The following KCNJ6 variants were observed in gnomAD, a reference collection of about 807,000 sequenced individuals.
The protein encoded by KCNJ6 is potassium inwardly rectifying channel subfamily J member 6, also known as G protein-activated inward rectifier potassium channel 2.
KCNJ6 carries 9 observed loss-of-function variants against 34.2 expected under a neutral mutation model. The ratio of observed to expected loss-of-function variants is 0.26; its 90% confidence interval spans 0.16 to 0.46. The LOEUF is 0.46. Among genes scored for constraint, KCNJ6 ranks in the 20% least tolerant of loss-of-function variants. The pLI is 1.00. For synonymous variants in KCNJ6, 196 were observed against 207.1 expected, an observed-to-expected ratio of 0.95 and a Z score of 0.46; for missense variants, 236 against 531.3, an observed-to-expected ratio of 0.44 and a Z score of 5.46.
chr21:37,816,742 A>T (rs1478683040), intron 2 of KCNJ6, among the ~76,000 whole-genome samples: 4 of 152,134 alleles, frequency 2.6e-5, no homozygotes, highest in Non-Finnish European at 5.9e-5. Flanking sequence ...GTGGGGATGC[A>T]TGCAGGTTTG....
At chr21:37,847,473 C>T (rs2055515169) in intron 1 of KCNJ6, among the ~76,000 whole-genome samples, 1 of 152,212 alleles carries the variant, frequency 6.6e-6, no homozygotes, top group African/African-American at 2.4e-5. Flanking sequence ...GCCGTTCATG[C>T]TGAAGGCAGC....
intron 1 of KCNJ6, among the ~76,000 whole-genome samples, chr21:37,896,098 G>T (rs904447199): frequency 6.6e-6 from 1 of 152,186 alleles, no homozygotes; most frequent in Non-Finnish European, 1.5e-5. Flanking sequence ...GGAAGGAAGA[G>T]GTGAGAAGCA....
At chr21:37,904,853 G>A (rs2055833725) in intron 1 of KCNJ6, among the ~76,000 whole-genome samples, 1 of 152,154 alleles carries the variant, frequency 6.6e-6, no homozygotes, top group South Asian at 2.1e-4. Flanking sequence ...TCATATTCAG[G>A]ATGAACAAGT....
At chr21:37,896,109 G>A (rs1162411836) in intron 1 of KCNJ6, among the ~76,000 whole-genome samples, 2 of 152,132 alleles carry the variant, frequency 1.3e-5, no homozygotes, top group African/African-American at 4.8e-5. Flanking sequence ...GTGAGAAGCA[G>A]GCACGTCACA....
At position 37,695,363 on chromosome 21, in the gene KCNJ6, T is replaced by C. The variant is rs2054659424; in HGVS notation, c.946+18848A>G. On this transcript the variant is annotated intron_variant, in intron 3 of 3. Coordinates refer to ENST00000609713, the MANE Select transcript of KCNJ6 (RefSeq NM_002240.5). This position sits in a 1 kb window ranked among gnomAD's most constrained non-coding sequence, Gnocchi z 4.2. The stretch of plus-strand genomic sequence containing the variant: ...AGAGAGTTTGCAACAAGGCAGCTGG[T>C]GGGGAAGTTAACACCACCTTCTAGC... 2.0e-5 allele frequency among the ~76,000 whole-genome samples: 3 copies of C among 152,150 alleles called. No homozygotes were observed. Among genetic ancestry groups the C allele is most frequent in the Non-Finnish European group, 4.4e-5 (3 of 68,026 alleles).
At chr21:37,867,360 C>T (rs954745439) in intron 1 of KCNJ6, among the ~76,000 whole-genome samples, 1 of 152,086 alleles carries the variant, frequency 6.6e-6, no homozygotes, top group Non-Finnish European at 1.5e-5. Flanking sequence ...GGGTCACTGG[C>T]CCCCAGAAAG....
chr21:37,709,514 C>CT (rs1556022455), intron 3 of KCNJ6, among the ~76,000 whole-genome samples: 3 of 95,970 alleles, frequency 3.1e-5, no homozygotes, highest in Non-Finnish European at 4.3e-5. Context: ...AACCCTGTCT[C>CT]AAAAAAAAGA....
At chr21:37,778,567 T>C (rs2055153641) in intron 2 of KCNJ6, among the ~76,000 whole-genome samples, 1 of 152,188 alleles carries the variant, frequency 6.6e-6, no homozygotes, top group Non-Finnish European at 1.5e-5. Flanking sequence ...ACTTTTGAAT[T>C]GACATCAGAT....
chr21:37,791,511 G>A (rs535138025), intron 2 of KCNJ6, among the ~76,000 whole-genome samples: 1 of 152,336 alleles, frequency 6.6e-6, no homozygotes, highest in East Asian at 1.9e-4. Context: ...CTTTAGAGAT[G>A]GGAGGGCAGC....
chr21:37,611,373 C>G lies in KCNJ6; in HGVS notation c.*13786G>C, dbSNP rs1476024306. The G allele has an allele frequency of 6.6e-6, 1 of 152,188 alleles. No homozygotes were observed. Among genetic ancestry groups the G allele is most frequent in the Non-Finnish European group, 1.5e-5 (1 of 68,034 alleles). 9.4% of individuals were successfully genotyped at this position (152,188 alleles called of 1,614,324 possible). A position where few individuals can be genotyped will look rare whatever the true frequency, so the allele number is the denominator to read the frequency against. On this transcript the variant is annotated 3_prime_UTR_variant, in exon 4 of 4. Coordinates refer to ENST00000609713, the MANE Select transcript of KCNJ6 (RefSeq NM_002240.5). ...GTTAGTAACCTCCCCAACCAGAAAG[C>G]ACTTGGCCCAGATGGGTTCACTGGT...
intron 1 of KCNJ6, among the ~76,000 whole-genome samples, chr21:37,841,022 T>C (rs188107928): frequency 4.6e-5 from 7 of 152,308 alleles, no homozygotes; most frequent in East Asian, 1.9e-4. Context: ...TTGACATCCA[T>C]ATGCCAATTT....
At chr21:37,763,139 G>A (rs897232885) in intron 2 of KCNJ6, among the ~76,000 whole-genome samples, 1 of 152,214 alleles carries the variant, frequency 6.6e-6, no homozygotes, top group East Asian at 1.9e-4. Flanking sequence ...GTTTCTGGGA[G>A]AGTACAAGGC....
At chr21:37,902,373 GTGACATCTCCCCTC>G (rs2055821175) in intron 1 of KCNJ6, among the ~76,000 whole-genome samples, 1 of 152,166 alleles carries the variant, frequency 6.6e-6, no homozygotes, top group Admixed American at 6.5e-5. Flanking sequence ...TCTTTCCCAT[GTGACATCTCCCCTC>G]TGACCTACAT....
At chr21:37,767,066 G>C (rs910336225) in intron 2 of KCNJ6, among the ~76,000 whole-genome samples, 3 of 152,126 alleles carry the variant, frequency 2.0e-5, no homozygotes, top group Non-Finnish European at 4.4e-5. Context: ...AGACTAATGA[G>C]ATGCAACTCT....
At chr21:37,811,680 G>GA (rs1423059569) in intron 2 of KCNJ6, among the ~76,000 whole-genome samples, 1 of 152,014 alleles carries the variant, frequency 6.6e-6, no homozygotes, top group African/African-American at 2.4e-5. Context: ...TCAAATTTGT[G>GA]AATTTTTTTT....
intron 2 of KCNJ6, among the ~76,000 whole-genome samples, chr21:37,765,268 T>C (rs1379943187): frequency 6.6e-6 from 1 of 152,212 alleles, no homozygotes; most frequent in African/African-American, 2.4e-5. Flanking sequence ...CTTTGATAGC[T>C]GGAAATTGGC....
rs2054256641 is a variant in KCNJ6 at position 37,614,549 on chromosome 21, TGTGTGTATGC to T, written c.*10600_*10609del. On this transcript the variant is annotated 3_prime_UTR_variant, in exon 4 of 4. Transcript: ENST00000609713. ...GTATGCATGTCTCTGTGTATGCGTG[TGTGTGTATGC>T]GTGTGTGTATGCATGTGTCTCTGTA... The T allele has an allele frequency of 6.6e-6, 1 of 151,206 alleles. No individual in the cohort carries two copies. The highest frequency in any genetic ancestry group is 1.5e-5 in the Non-Finnish European group (1 of 67,946). 9.4% of individuals were successfully genotyped at this position (151,206 alleles called of 1,614,324 possible).
In KCNJ6 at chr21:37,666,942, C is replaced by T. The variant is rs577104539; in HGVS notation, c.947-41458G>A. Among the ~76,000 whole-genome samples the T allele has an allele frequency of 2.0e-5, 3 of 150,964 alleles. No homozygotes were observed. In the East Asian group the frequency reaches 5.9e-4, roughly 29 times the overall value. ...CAAGATGTGCTTTGTTAAACAGATG[C>T]TTGAAGGCAGCATACTCGTTAAGAG... On this transcript the variant is annotated intron_variant, in intron 3 of 3. Transcript: ENST00000609713.
intron 2 of KCNJ6, among the ~76,000 whole-genome samples, chr21:37,761,181 ATG>A (rs963674102): frequency 6.8e-6 from 1 of 147,438 alleles, no homozygotes; most frequent in African/African-American, 2.5e-5. Flanking sequence ...TTGTGTGTGC[ATG>A]TGTGTGCGAT....
Sources: gnomAD v4.1 joint callset for allele counts (sites outside exome capture counted in the v4.1 genomes callset) on GRCh38, gnomAD v4.1.1 for gene constraint, Gnocchi (gnomAD v3.1) non-coding constraint, MANE v1.5 for transcripts, NCBI Gene and HGNC (gene_info 2026-07-23, HGNC 2026-07-21) for gene names.